The following EFCAB11 variants were observed in gnomAD, a reference collection of about 807,000 sequenced individuals.
EFCAB11 encodes the protein EF-hand calcium binding domain 11.
A neutral mutation model predicts 23.0 loss-of-function variants in EFCAB11; 14 were observed. The observed-to-expected ratio is 0.61, with a 90% CI of 0.40 to 0.95. The LOEUF (loss-of-function observed/expected upper bound fraction) is 0.95. Among genes scored for constraint, EFCAB11 ranks in the 40% least tolerant of loss-of-function variants. EFCAB11 has a pLI of 0.00. For missense variants in EFCAB11, 198 were observed against 195.8 expected (o/e 1.01, Z -0.07); for synonymous variants, 65 against 66.6 (o/e 0.98, Z 0.11).
chr14:89,907,989 A>G (rs1409232105), intron 5 of EFCAB11, among the ~76,000 whole-genome samples: 1 of 152,192 alleles, frequency 6.6e-6, no homozygotes, highest in Non-Finnish European at 1.5e-5. Flanking sequence ...TGAGCACTAG[A>G]TATCAGCTAG....
intron 5 of EFCAB11, among the ~76,000 whole-genome samples, chr14:89,865,184 C>A (rs775131342): frequency 2.6e-5 from 4 of 152,198 alleles, no homozygotes; most frequent in African/African-American, 9.7e-5. Context: ...CAGAGACCTG[C>A]GGCCAGGGGC....
At chr14:89,937,526 A>G (rs1890626653) in intron 3 of EFCAB11, among the ~76,000 whole-genome samples, 1 of 151,824 alleles carries the variant, frequency 6.6e-6, no homozygotes, top group Non-Finnish European at 1.5e-5. Flanking sequence ...CATGTTCTAT[A>G]ACATATATAT....
chr14:89,797,719 G>A (rs559819747), intron 5 of EFCAB11, among the ~76,000 whole-genome samples: 17 of 152,298 alleles, frequency 1.1e-4, no homozygotes, highest in Non-Finnish European at 2.4e-4. Flanking sequence ...ATCACCTGAG[G>A]TCAGGAGTTC....
At chr14:89,826,635 A>G (rs1886699915) in intron 5 of EFCAB11, among the ~76,000 whole-genome samples, 1 of 152,190 alleles carries the variant, frequency 6.6e-6, no homozygotes, top group Non-Finnish European at 1.5e-5. Context: ...GGTGGAGATA[A>G]AAAGAAGTGA....
intron 3 of EFCAB11, among the ~76,000 whole-genome samples, chr14:89,946,162 C>T (rs1025010101): frequency 7.2e-5 from 11 of 152,086 alleles, no homozygotes; most frequent in African/African-American, 2.7e-4. Flanking sequence ...GATTCGTCTG[C>T]GTTGGCCTCT....
At chr14:89,847,664 G>C (rs1453789559) in intron 5 of EFCAB11, among the ~76,000 whole-genome samples, 2 of 150,378 alleles carry the variant, frequency 1.3e-5, no homozygotes, top group Non-Finnish European at 3.0e-5. Context: ...GCTTGAACCT[G>C]GGAGGTGGAG....
intron 5 of EFCAB11, among the ~76,000 whole-genome samples, chr14:89,802,311 TA>T (rs201989191): frequency 0.011 from 1,620 of 152,170 alleles, 28 homozygotes; most frequent in African/African-American, 0.036. Flanking sequence ...ATGAAAGTGA[TA>T]TTTTTAAGTG....
chr14:89,879,827 G>A (rs1340471313), intron 5 of EFCAB11, among the ~76,000 whole-genome samples: 1 of 151,984 alleles, frequency 6.6e-6, no homozygotes, highest in African/African-American at 2.4e-5. Context: ...AACCTTATAA[G>A]CCTGCATTTT....
intron 5 of EFCAB11, among the ~76,000 whole-genome samples, chr14:89,873,863 C>T (rs1349096673): frequency 6.6e-6 from 1 of 152,202 alleles, no homozygotes; most frequent in Non-Finnish European, 1.5e-5. Flanking sequence ...CACAGGATGG[C>T]ATTGAGTGTT....
chr14:89,873,255 G>A (rs139674973), intron 5 of EFCAB11, among the ~76,000 whole-genome samples: 7 of 152,228 alleles, frequency 4.6e-5, no homozygotes, highest in South Asian at 4.1e-4. Flanking sequence ...ATCAGATCTC[G>A]TGAGGCTTAT....
intron 5 of EFCAB11, chr14:89,924,791 A>C: frequency 8.6e-7 from 1 of 1,163,502 alleles, no homozygotes. Context: ...CTGCATTTTA[A>C]AGGACTCTTT....
At chr14:89,952,318 T>C (rs1891199823) in intron 2 of EFCAB11, 4 of 823,470 alleles carry the variant, frequency 4.9e-6, no homozygotes, top group Non-Finnish European at 5.9e-6. Context: ...GTATCTGTCA[T>C]TAAATTCCTC....
At chr14:89,946,876 C>G (rs545020268) in intron 3 of EFCAB11, among the ~76,000 whole-genome samples, 50 of 152,090 alleles carry the variant, frequency 3.3e-4, no homozygotes, top group Non-Finnish European at 5.9e-4. Flanking sequence ...CCACTCCCAG[C>G]CAACTGCTGT....
chr14:89,937,925 TTTAC>T (rs1342302736), intron 3 of EFCAB11: 1 of 152,150 alleles, frequency 6.6e-6, no homozygotes, highest in Non-Finnish European at 1.5e-5. Context: ...ATTATTTTTT[TTTAC>T]TTGTTTGTTT....
intron 5 of EFCAB11, among the ~76,000 whole-genome samples, chr14:89,857,566 T>C (rs1204616452): frequency 6.6e-6 from 1 of 152,166 alleles, no homozygotes; most frequent in Non-Finnish European, 1.5e-5. Flanking sequence ...TGGATGGTCA[T>C]TGGTTCCATT....
At chr14:89,936,137 A>G (rs2139818279) in intron 3 of EFCAB11, among the ~76,000 whole-genome samples, 1 of 152,364 alleles carries the variant, frequency 6.6e-6, no homozygotes, top group East Asian at 1.9e-4. Context: ...CCAATTTCTT[A>G]AAACATATGA....
At chr14:89,899,247 C>G (rs990744136) in intron 5 of EFCAB11, among the ~76,000 whole-genome samples, 5 of 152,112 alleles carry the variant, frequency 3.3e-5, no homozygotes, top group Admixed American at 6.5e-5. Flanking sequence ...GCATTTAATT[C>G]TATAATGTAA....
intron 5 of EFCAB11, among the ~76,000 whole-genome samples, chr14:89,925,135 C>A (rs1232561437): frequency 6.6e-6 from 1 of 152,152 alleles, no homozygotes; most frequent in African/African-American, 2.4e-5. Context: ...ATGGTTTAAA[C>A]CTGGACAGGT....
intron 5 of EFCAB11, among the ~76,000 whole-genome samples, chr14:89,829,067 GTTC>G: frequency 6.6e-6 from 1 of 152,304 alleles, no homozygotes; most frequent in Non-Finnish European, 1.5e-5. Flanking sequence ...TGAAGGAAGA[GTTC>G]TTTTTTTCAA....
Sources: gnomAD v4.1 joint callset for allele counts (sites outside exome capture counted in the v4.1 genomes callset) on GRCh38, gnomAD v4.1.1 for gene constraint, MANE v1.5 for transcripts, NCBI Gene and HGNC (gene_info 2026-07-23, HGNC 2026-07-21) for gene names.